Variants in EYS observed in about 807,000 individuals in gnomAD.
The protein encoded by EYS is protein eyes shut homolog.
A neutral mutation model predicts 282.1 loss-of-function variants in EYS; 250 were observed. That is an observed-to-expected ratio of 0.89 (90% CI 0.80 to 0.98). The LOEUF (loss-of-function observed/expected upper bound fraction) is 0.98. Among genes scored for constraint, EYS ranks in the 50% least tolerant of loss-of-function variants. The pLI, the probability that EYS is intolerant of heterozygous loss-of-function variation, is 0.00. For missense variants in EYS, 4,016 were observed against 3,709.0 expected (o/e 1.08, Z -2.15); for synonymous variants, 1,355 against 1,282.9 (o/e 1.06, Z -1.20).
chr6:63,766,047 C>T (rs75774350), intron 40 of EYS, among the ~76,000 whole-genome samples: 1,683 of 151,998 alleles, frequency 0.011, 23 homozygotes, highest in African/African-American at 0.038. Context: ...TCTCTGGTGA[C>T]GTAATTTTAA....
intron 22 of EYS, among the ~76,000 whole-genome samples, chr6:64,721,270 G>A (rs1771569291): frequency 6.6e-6 from 1 of 152,090 alleles, no homozygotes; most frequent in Admixed American, 6.5e-5. Flanking sequence ...ACAGGAGAGT[G>A]AAAAAAGGCA....
intron 2 of EYS, among the ~76,000 whole-genome samples, chr6:65,606,180 T>G (rs1490757523): frequency 6.6e-6 from 1 of 151,440 alleles, no homozygotes; most frequent in Non-Finnish European, 1.5e-5. Flanking sequence ...ATTCCTTACC[T>G]TCCACATATT....
intron 22 of EYS, among the ~76,000 whole-genome samples, chr6:64,798,291 T>C (rs11969577): frequency 0.016 from 2,423 of 151,996 alleles, 75 homozygotes; most frequent in African/African-American, 0.056. Flanking sequence ...ATAAAGATGT[T>C]AAAACATAAT....
chr6:65,529,321 T>C (rs888631484), intron 2 of EYS, among the ~76,000 whole-genome samples: 5 of 152,212 alleles, frequency 3.3e-5, no homozygotes, highest in Non-Finnish European at 7.4e-5. Context: ...GAGGCCTATA[T>C]GCTTGTATCA....
At chr6:64,993,524 A>G (rs1433794376) in intron 14 of EYS, among the ~76,000 whole-genome samples, 4 of 143,196 alleles carry the variant, frequency 2.8e-5, no homozygotes, top group African/African-American at 1.0e-4. Context: ...GGAATTGAAC[A>G]ATGAGAACAC....
intron 2 of EYS, among the ~76,000 whole-genome samples, chr6:65,579,191 C>A (rs1249678821): frequency 1.3e-5 from 2 of 151,942 alleles, no homozygotes; most frequent in East Asian, 3.9e-4. Flanking sequence ...CTTAAGCATA[C>A]TTGAAAATAG....
intron 26 of EYS, among the ~76,000 whole-genome samples, chr6:64,484,336 G>T (rs1280526672): frequency 1.3e-5 from 2 of 151,420 alleles, no homozygotes; most frequent in African/African-American, 4.8e-5. Context: ...TGCAGAGACT[G>T]CACCTCAGCA....
intron 26 of EYS, among the ~76,000 whole-genome samples, chr6:64,563,804 T>G (rs1373163658): frequency 2.6e-5 from 4 of 152,078 alleles, no homozygotes; most frequent in Non-Finnish European, 5.9e-5. Context: ...ATAAAATGAA[T>G]GTACAAGGTA....
At chr6:64,579,779 T>G (rs1766001632) in intron 26 of EYS, among the ~76,000 whole-genome samples, 1 of 152,074 alleles carries the variant, frequency 6.6e-6, no homozygotes, top group South Asian at 2.1e-4. Flanking sequence ...AACAGACAGC[T>G]CTTTCCTACG....
At chr6:64,244,763 C>G (rs962483543) in intron 30 of EYS, among the ~76,000 whole-genome samples, 1 of 151,938 alleles carries the variant, frequency 6.6e-6, no homozygotes, top group South Asian at 2.1e-4. Context: ...TTTAGTATGT[C>G]GATTTCAAAA....
intron 40 of EYS, 56 bp from the exon 41 acceptor site, chr6:63,762,689 A>G: frequency 6.8e-7 from 1 of 1,472,632 alleles, no homozygotes; most frequent in Non-Finnish European, 9.2e-7. Flanking sequence ...ATGGATACAT[A>G]CTATGTATTG....
chr6:64,201,725 T>C (rs1765464254), intron 31 of EYS, among the ~76,000 whole-genome samples: 2 of 152,212 alleles, frequency 1.3e-5, no homozygotes, highest in Admixed American at 1.3e-4. Flanking sequence ...AAAGTATTTT[T>C]AATTGAAAAA....
intron 36 of EYS, among the ~76,000 whole-genome samples, chr6:63,813,937 G>A (rs1253817215): frequency 6.6e-6 from 1 of 152,300 alleles, no homozygotes. Flanking sequence ...CCCTTAGGCA[G>A]ATGGATAAAT....
chr6:64,678,427 C>T (rs1769769940), intron 22 of EYS, among the ~76,000 whole-genome samples: 1 of 151,056 alleles, frequency 6.6e-6, no homozygotes, highest in African/African-American at 2.4e-5. Flanking sequence ...AAAATACAAA[C>T]ATTAGCTGGG....
Position 64,870,764 on chromosome 6 carries a change from G to A in EYS, c.2992+15933C>T, listed in dbSNP as rs529745749. Among the ~76,000 whole-genome samples, 170 of 151,940 alleles carry A rather than the reference G, an allele frequency of 1.1e-3. 1 individual carries two copies. Among genetic ancestry groups the A allele is most frequent in the Non-Finnish European group, 2.0e-3 (137 of 67,822 alleles). On this transcript the variant is annotated intron_variant, in intron 19 of 42. Coordinates refer to ENST00000503581, the MANE Select transcript of EYS (RefSeq NM_001142800.2). Reference sequence around the variant, plus strand: ...CTAAATAGGAACTAAGAGAAATTCTGGAGCTGTAAACTACAATAACAGAAA... The same window carrying A: ...CTAAATAGGAACTAAGAGAAATTCTAGAGCTGTAAACTACAATAACAGAAA...
At chr6:64,363,493 C>G (rs1190554974) in intron 29 of EYS, among the ~76,000 whole-genome samples, 1 of 151,810 alleles carries the variant, frequency 6.6e-6, no homozygotes, top group Non-Finnish European at 1.5e-5. Flanking sequence ...GTGACTTAGA[C>G]ATATTATTTA....
At chr6:64,876,867 A>C (rs1306872133) in intron 19 of EYS, among the ~76,000 whole-genome samples, 1 of 152,160 alleles carries the variant, frequency 6.6e-6, no homozygotes, top group Non-Finnish European at 1.5e-5. Flanking sequence ...TACAGGATTT[A>C]GCAGACCAAT....
chr6:64,642,013 GCTGTTACTACCA>G (rs1346423974), intron 22 of EYS, among the ~76,000 whole-genome samples: 1 of 152,174 alleles, frequency 6.6e-6, no homozygotes, highest in Admixed American at 6.5e-5. Flanking sequence ...GGATGAGATA[GCTGTTACTACCA>G]CTGTGTCCAC....
At chr6:65,433,628 A>C (rs2150386148) in intron 5 of EYS, among the ~76,000 whole-genome samples, 1 of 152,302 alleles carries the variant, frequency 6.6e-6, no homozygotes, top group South Asian at 2.1e-4. Context: ...ACAGACTCTT[A>C]GGGACAGATT....
Sources: allele counts gnomAD v4.1 joint callset (sites outside exome capture counted in the v4.1 genomes callset), GRCh38; gene constraint gnomAD v4.1.1; transcripts MANE v1.5; gene names NCBI Gene and HGNC (gene_info 2026-07-23, HGNC 2026-07-21).